SLC25A20: variants seen among roughly 807,000 people sequenced by gnomAD.
The protein encoded by SLC25A20 is mitochondrial carnitine/acylcarnitine carrier protein.
In SLC25A20, 29 loss-of-function variants were observed where a neutral mutation model predicts 39.7. The ratio of observed to expected loss-of-function variants is 0.73; its 90% CI spans 0.54 to 1.00. SLC25A20 has a LOEUF of 1.00. Among genes scored for constraint, SLC25A20 ranks in the 50% least tolerant of loss-of-function variants. SLC25A20 has a pLI of 0.00. For missense variants in SLC25A20, 333 were observed against 379.9 expected (o/e 0.88, Z 1.03); for synonymous variants, 103 against 142.2 (o/e 0.72, Z 1.96).
intron 4 of SLC25A20, among the ~76,000 whole-genome samples, chr3:48,876,231 A>G (rs1378209968): frequency 6.9e-6 from 1 of 145,070 alleles, no homozygotes; most frequent in Non-Finnish European, 1.5e-5. Flanking sequence ...AATCTCAGCT[A>G]CTGGGGAGGC....
chr3:48,873,917 T>C (rs2083736134), intron 4 of SLC25A20, among the ~76,000 whole-genome samples: 1 of 130,788 alleles, frequency 7.6e-6, no homozygotes, highest in Non-Finnish European at 1.5e-5. Flanking sequence ...TGCAGCGAGC[T>C]GAGATTGCGC....
At position 48,891,876 on chromosome 3, in the gene SLC25A20, G is replaced by C. The variant is rs1174634157; in HGVS notation, c.198+104C>G. 2.1e-5 allele frequency: 20 copies of C among 934,170 alleles called. No homozygotes were observed. In the Admixed American group the frequency reaches 2.2e-4, roughly 10 times the overall value. 57.9% of individuals were successfully genotyped at this position (934,170 alleles called of 1,614,324 possible). A position where few individuals can be genotyped will look rare whatever the true frequency, so the allele number is the denominator to read the frequency against. ...GTGAAGGAGCGGCAGCTGTGAGCTA[G>C]CTGTCCAGCAGAACCACACAGTTAA... is the stretch of plus-strand genomic sequence containing the variant. On this transcript the variant is annotated intron_variant, in intron 2 of 8. Coordinates refer to ENST00000319017, the MANE Select transcript of SLC25A20 (RefSeq NM_000387.6).
At chr3:48,878,777 G>A (rs1462328589) in intron 4 of SLC25A20, among the ~76,000 whole-genome samples, 3 of 138,402 alleles carry the variant, frequency 2.2e-5, no homozygotes, top group African/African-American at 5.4e-5. Context: ...TCCAGCCTGC[G>A]AAACACAGCA....
intron 2 of SLC25A20, among the ~76,000 whole-genome samples, chr3:48,890,576 T>A (rs539895274): frequency 6.6e-6 from 1 of 151,850 alleles, no homozygotes; most frequent in East Asian, 1.9e-4. Flanking sequence ...AAGGGCTCCC[T>A]ATCCCATGAT....
chr3:48,888,570 AAAATAAATAAATAAATAAAT>A (rs35871910), intron 2 of SLC25A20, among the ~76,000 whole-genome samples: 5 of 142,114 alleles, frequency 3.5e-5, no homozygotes, highest in East Asian at 4.0e-4. Flanking sequence ...CTCTTGTCTC[AAAATAAATAAATAAATAAAT>A]AAATAAATAA....
At chr3:48,863,997 A>G (rs2083646580) in intron 4 of SLC25A20, among the ~76,000 whole-genome samples, 1 of 151,604 alleles carries the variant, frequency 6.6e-6, no homozygotes, top group Non-Finnish European at 1.5e-5. Flanking sequence ...CCTGGGAGAC[A>G]GAGCACAACT....
intron 3 of SLC25A20, among the ~76,000 whole-genome samples, chr3:48,882,604 T>A (rs1051191600): frequency 3.9e-5 from 6 of 152,124 alleles, no homozygotes; most frequent in African/African-American, 1.4e-4. Flanking sequence ...ACACCTGTAA[T>A]CCTAGCACTG....
At position 48,867,729 on chromosome 3, in the gene SLC25A20, C is replaced by G. The variant is rs375430699; in HGVS notation, c.418-5070G>C. Among the ~76,000 whole-genome samples the G allele has an allele frequency of 1.2e-4, 18 of 150,700 alleles. No homozygotes were observed. In the East Asian group the frequency reaches 2.6e-3, roughly 22 times the overall value. ...AGATGGGATCCAGTGCACAAAGAGG[C>G]CTGGGATCAAGCGGAAGCACAGGCC... On this transcript the variant is annotated intron_variant, in intron 4 of 8. Transcript: ENST00000319017.
intron 1 of SLC25A20, among the ~76,000 whole-genome samples, chr3:48,897,367 A>ATTTTTT (rs869090435): frequency 2.4e-5 from 2 of 83,718 alleles, no homozygotes; most frequent in Non-Finnish European, 2.4e-5. Flanking sequence ...ATATATATAT[A>ATTTTTT]TTTTTTTTTT....
intron 2 of SLC25A20, among the ~76,000 whole-genome samples, chr3:48,885,849 C>G (rs530262561): frequency 3.3e-5 from 5 of 152,164 alleles, no homozygotes; most frequent in African/African-American, 1.2e-4. Flanking sequence ...ACAATACACA[C>G]TAGAACAACA....
At chr3:48,866,992 A>G (rs1011621686) in intron 4 of SLC25A20, among the ~76,000 whole-genome samples, 1 of 151,362 alleles carries the variant, frequency 6.6e-6, no homozygotes, top group Non-Finnish European at 1.5e-5. Flanking sequence ...ATGGGGTTTC[A>G]TCATTTTGGC....
Position 48,859,154 on chromosome 3 carries a change from G to A in SLC25A20, c.656C>T (p.Ala219Val), listed in dbSNP as rs745503193. 6.2e-7 allele frequency: 1 copy of A among 1,614,056 alleles called. No individual in the cohort carries two copies. Among genetic ancestry groups the A allele is most frequent in the South Asian group, 1.1e-5 (1 of 91,064 alleles). The change falls in exon 7 of 9, where the codon GCA (alanine) becomes GTA (valine). Residue 219 changes from alanine to valine, a missense_variant. By Grantham distance (64) the Ala-to-Val change is moderately conservative. Transcript: ENST00000319017. Reference sequence around the variant, plus strand: ...TGCCACAGCCCAGTTGAAGATCCCTGCAATGCCCCCAGCCACCAAGATCCG... The same window carrying A: ...TGCCACAGCCCAGTTGAAGATCCCTACAATGCCCCCAGCCACCAAGATCCG... ...APRILVAGGIAGIFNWAVAIP... is the reference protein window; with the variant it reads ...APRILVAGGIVGIFNWAVAIP...
In SLC25A20 at chr3:48,857,773, C is replaced by A. The variant is rs775237076; in HGVS notation, c.844-1G>T. On this transcript the variant is annotated splice_acceptor_variant, in intron 8 of 8. Transcript: ENST00000319017. LOFTEE classifies it high-confidence loss of function. ...CAACTTCAAAGCCAAGGAAACAGGC[C>A]TAAGAAGGGATTGGGAGGAAGAAAA... is the stretch of plus-strand genomic sequence containing the variant. The A allele has an allele frequency of 6.2e-7, 1 of 1,613,570 alleles. No individual in the cohort carries two copies. Among genetic ancestry groups the A allele is most frequent in the South Asian group, 1.1e-5 (1 of 90,952 alleles).
At chr3:48,860,024 C>T (rs539516414) in intron 5 of SLC25A20, among the ~76,000 whole-genome samples, 3 of 152,118 alleles carry the variant, frequency 2.0e-5, no homozygotes, top group African/African-American at 7.2e-5. Context: ...AAAAATGGGC[C>T]GGGCATAGTG....
intron 2 of SLC25A20, among the ~76,000 whole-genome samples, chr3:48,884,878 G>T (rs1282522693): frequency 4.2e-5 from 6 of 143,136 alleles, no homozygotes; most frequent in African/African-American, 1.6e-4. Context: ...TATAACATGA[G>T]AAGAGATTAT....
At chr3:48,858,967 C>T in intron 7 of SLC25A20, 125 bp downstream of exon 7, 1 of 772,816 alleles carries the variant, frequency 1.3e-6, no homozygotes, top group Non-Finnish European at 2.2e-6. Context: ...GAATATTGGT[C>T]AGGCAGATGC....
chr3:48,859,997 G>A (rs575277739), intron 5 of SLC25A20, among the ~76,000 whole-genome samples: 12 of 152,180 alleles, frequency 7.9e-5, no homozygotes, highest in South Asian at 4.1e-4. Flanking sequence ...CGAAAGCCTC[G>A]TCTCTACTAA....
intron 1 of SLC25A20, 60 bp from the exon 2 acceptor site, chr3:48,892,132 A>G: frequency 7.6e-7 from 1 of 1,310,502 alleles, no homozygotes; most frequent in South Asian, 1.2e-5. Context: ...GTCAGCAGCA[A>G]TGGCCCAACT....
At chr3:48,864,758 G>C (rs2083653565) in intron 4 of SLC25A20, among the ~76,000 whole-genome samples, 1 of 152,094 alleles carries the variant, frequency 6.6e-6, no homozygotes, top group African/African-American at 2.4e-5. Context: ...ACTATAAGAA[G>C]GGAAACAAGT....
Sources: gnomAD v4.1 joint callset for allele counts (sites outside exome capture counted in the v4.1 genomes callset) on GRCh38, gnomAD v4.1.1 for gene constraint, MANE v1.5 for transcripts, NCBI Gene and HGNC (gene_info 2026-07-23, HGNC 2026-07-21) for gene names.